Variants in SERINC4 observed in about 807,000 individuals in gnomAD.
SERINC4 encodes serine incorporator 4.
Under a neutral mutation model 52.0 loss-of-function variants are expected in SERINC4, and 52 were observed. That is an observed-to-expected ratio of 1.00 (90% CI 0.80 to 1.26). The LOEUF is 1.26. Ranked by LOEUF, SERINC4 falls within the 50% of genes most tolerant of loss-of-function variation. The probability of loss-of-function intolerance (pLI) is 0.00; values close to 1 mark genes in which losing one functional copy is unlikely to be tolerated. For synonymous variants in SERINC4, 264 were observed against 247.7 expected (o/e 1.07, Z -0.62); for missense variants, 723 against 632.8 (o/e 1.14, Z -1.53).
Position 43,800,030 on chromosome 15 carries a change from G to A in SERINC4, c.-44C>T. 7.2e-7 allele frequency: 1 copy of A among 1,382,620 alleles called. No individual in the cohort carries two copies. Among genetic ancestry groups the A allele is most frequent in the Non-Finnish European group, 9.7e-7 (1 of 1,031,884 alleles). 85.6% of individuals were successfully genotyped at this position (1,382,620 alleles called of 1,614,324 possible). ...GCTTAGGTCCACCAGATGGAAGGCA[G>A]ATGAGAGCAGCAGTTGCTTCTGTCC... On this transcript the variant is annotated 5_prime_UTR_variant, in exon 1 of 12. Coordinates refer to ENST00000319327, the MANE Select transcript of SERINC4 (RefSeq NM_001258031.2).
intron 3 of SERINC4, 86 bp downstream of exon 3, chr15:43,798,873 A>G (rs1443341168): frequency 6.1e-6 from 8 of 1,319,984 alleles, no homozygotes; most frequent in Middle Eastern, 3.6e-4. Context: ...TTACAGTGCT[A>G]TTACTTCATC....
rs1447351467 is a variant in SERINC4 at position 43,795,001 on chromosome 15, T to C, written c.1556A>G (p.Ter519=). 1 of 1,608,642 alleles carries C rather than the reference T, an allele frequency of 6.2e-7. No homozygotes were observed. Among genetic ancestry groups the C allele is most frequent in the Non-Finnish European group, 8.5e-7 (1 of 1,178,090 alleles). Residue 519 remains the stop codon, a stop_retained_variant, in exon 12 of 12, where the codon TAA becomes TGA. Coordinates refer to ENST00000319327, the MANE Select transcript of SERINC4 (RefSeq NM_001258031.2). ...ISPDNKYPPV[*] is the part of the protein sequence containing the mutation. ...GGAACCCCAGTTTGTGAAAAGGACTTAGACTGGAGGATATTTGTTATCTGG... is the reference window on the plus strand; with the variant it reads ...GGAACCCCAGTTTGTGAAAAGGACTCAGACTGGAGGATATTTGTTATCTGG...
chr15:43,799,163 C>T, intron 2 of SERINC4, 26 bp from the exon 3 acceptor site: 2 of 1,540,922 alleles, frequency 1.3e-6, no homozygotes, highest in Non-Finnish European at 1.8e-6. Context: ...AGAGAAATGG[C>T]AGGACAAGTC....
Position 43,794,784 on chromosome 15 carries a change from C to T in SERINC4, c.*216G>A. 1.9e-6 allele frequency: 1 copy of T among 518,870 alleles called. No homozygotes were observed. Among genetic ancestry groups the T allele is most frequent in the Non-Finnish European group, 3.4e-6 (1 of 290,594 alleles). 32.1% of individuals were successfully genotyped at this position (518,870 alleles called of 1,614,324 possible). The stretch of plus-strand genomic sequence containing the variant: ...CTGATTTGGGTGTTAGGCTCTTGAG[C>T]TGGGATGCAGATGTAACAGTAGCTC... On this transcript the variant is annotated 3_prime_UTR_variant, in exon 12 of 12. Transcript: ENST00000319327.
chr15:43,799,911 C>T lies in SERINC4; in HGVS notation c.76G>A (p.Val26Ile). Residue 26 changes from valine (V) to isoleucine (I), a missense_variant, in exon 1 of 12, where the codon GTC becomes ATC. Coordinates refer to ENST00000319327, the MANE Select transcript of SERINC4 (RefSeq NM_001258031.2). ...LAQQHSGGSS[V>I]LVKSPFCQVC... ...TGACAGAAGGGACTTTTCACTAGGA[C>T]ACTGCTGCCTCCGCTGTGCTGCTGT... 1.3e-6 allele frequency: 2 copies of T among 1,549,458 alleles called. No individual in the cohort carries two copies. The highest frequency in any genetic ancestry group is 1.4e-5 in the African/African-American group (1 of 73,124).
At chr15:43,797,394 C>A (rs2087236826) in intron 5 of SERINC4, 38 bp from the exon 6 acceptor site, 2 of 1,401,844 alleles carry the variant, frequency 1.4e-6, no homozygotes, top group Non-Finnish European at 1.9e-6. Flanking sequence ...GGAGCTCCAG[C>A]ATTTTTTTTT....
Position 43,794,318 on chromosome 15 carries a change from T to C in SERINC4, c.*682A>G. 4.4e-6 allele frequency: 1 copy of C among 229,454 alleles called. No homozygotes were observed. Among genetic ancestry groups the C allele is most frequent in the African/African-American group, 2.3e-5 (1 of 44,256 alleles). 14.2% of individuals were successfully genotyped at this position (229,454 alleles called of 1,614,324 possible). ...CACCATCTCTAGGATGGAGTTGGCC[T>C]AAGAGTGAATGCTGCAAGATCTGTG... On this transcript the variant is annotated 3_prime_UTR_variant, in exon 12 of 12. Transcript: ENST00000319327.
chr15:43,795,488 G>T lies in SERINC4; in HGVS notation c.1243C>A (p.Pro415Thr). The T allele has an allele frequency of 1.9e-6, 3 of 1,614,210 alleles. No homozygotes were observed. The highest frequency in any genetic ancestry group is 1.7e-6 in the Non-Finnish European group (2 of 1,180,042). The change falls in exon 11 of 12, where the codon CCA (proline) becomes ACA (threonine). Residue 415 changes from proline to threonine, a missense_variant. Physicochemically the swap from Pro to Thr is conservative, Grantham distance 38. Coordinates refer to ENST00000319327, the MANE Select transcript of SERINC4 (RefSeq NM_001258031.2). Reference sequence around the variant, plus strand: ...TAGGAAAGATGCTGGACTTGGACTGGAGGAGCTGGAGGGGTTTCTTGGTCA... The same window carrying T: ...TAGGAAAGATGCTGGACTTGGACTGTAGGAGCTGGAGGGGTTTCTTGGTCA... ...PADQETPPAPPVQVQHLSYNY... is the reference protein window; with the variant it reads ...PADQETPPAPTVQVQHLSYNY...
At position 43,794,797 on chromosome 15, in the gene SERINC4, G is replaced by C. The variant is rs1202906379; in HGVS notation, c.*203C>G. 1.8e-6 allele frequency: 1 copy of C among 546,114 alleles called. No individual in the cohort carries two copies. The highest frequency in any genetic ancestry group is 3.3e-6 in the Non-Finnish European group (1 of 306,806). 33.8% of individuals were successfully genotyped at this position (546,114 alleles called of 1,614,324 possible). On this transcript the variant is annotated 3_prime_UTR_variant, in exon 12 of 12. Coordinates refer to ENST00000319327, the MANE Select transcript of SERINC4 (RefSeq NM_001258031.2). ...TAGGCTCTTGAGCTGGGATGCAGAT[G>C]TAACAGTAGCTCCAGTGAGTCAGAC...
chr15:43,795,815 G>T, intron 9 of SERINC4, 79 bp from the exon 10 acceptor site: 1 of 1,475,388 alleles, frequency 6.8e-7, no homozygotes, highest in South Asian at 1.2e-5. Context: ...CCCGTGAAAA[G>T]ATTGGTCTAG....
rs558142282 is a variant in SERINC4 at position 43,798,869 on chromosome 15, T to A, written c.458+90A>T. 6.2e-6 allele frequency: 8 copies of A among 1,281,484 alleles called. No individual in the cohort carries two copies. The South Asian group carries it at 1.1e-4, about 17-fold the overall frequency. 79.4% of individuals were successfully genotyped at this position (1,281,484 alleles called of 1,614,324 possible). On this transcript the variant is annotated intron_variant, in intron 3 of 11. Transcript: ENST00000319327. ...AAACCTGTTTTCTGTCTTTTTACAG[T>A]GCTATTACTTCATCCCGGAATTTCC...
chr15:43,795,089 A>T lies in SERINC4; in HGVS notation c.1468T>A (p.Trp490Arg). 1.9e-6 allele frequency: 3 copies of T among 1,613,824 alleles called. No homozygotes were observed. Reference protein sequence around the residue: ...YLGLLLAPLCWPPTQKPQPLI... With the variant: ...YLGLLLAPLCRPPTQKPQPLI... Reference sequence around the variant, plus strand: ...GGCTGGGGTTTCTGGGTGGGGGGCCAACAGAGTGGTGCCAGTAACAGCCCC... The same window carrying T: ...GGCTGGGGTTTCTGGGTGGGGGGCCTACAGAGTGGTGCCAGTAACAGCCCC... Residue 490 changes from tryptophan to arginine, a missense_variant, in exon 12 of 12, where the codon TGG becomes AGG. Coordinates refer to ENST00000319327, the MANE Select transcript of SERINC4 (RefSeq NM_001258031.2).
intron 10 of SERINC4, 54 bp from the exon 11 acceptor site, chr15:43,795,595 T>C (rs897058178): frequency 6.2e-7 from 1 of 1,611,828 alleles, no homozygotes; most frequent in Non-Finnish European, 8.5e-7. Context: ...CCTCTTCCCC[T>C]CTCCCCCAAC....
rs566407175 is a variant in SERINC4 at position 43,799,442 on chromosome 15, A to G, written c.147T>C (p.Ser49=). 1 of 1,550,618 alleles carries G rather than the reference A, an allele frequency of 6.4e-7. No homozygotes were observed. Among genetic ancestry groups the G allele is most frequent in the South Asian group, 1.2e-5 (1 of 84,058 alleles). Residue 49 remains serine (S), a synonymous_variant, in exon 2 of 12, where the codon TCT becomes TCC. Transcript: ENST00000319327. ...TGGATGCGGTGAGAGAGGGCCACCT[A>G]GAGTGGCAGCAGCTGGCACAAGGAG... ...GPAPCASCCH[S]RWPSLTASTC... is the part of the protein sequence containing the mutation.
chr15:43,796,800 G>A lies in SERINC4; in HGVS notation c.940+45C>T, dbSNP rs770983605. The A allele has an allele frequency of 3.7e-6, 6 of 1,611,466 alleles. No homozygotes were observed. The East Asian group carries it at 1.3e-4, about 36-fold the overall frequency. On this transcript the variant is annotated intron_variant, in intron 7 of 11. Coordinates refer to ENST00000319327, the MANE Select transcript of SERINC4 (RefSeq NM_001258031.2). ...ACAATGAGCTAGGTATTTGGCAGGG[G>A]CAAAAAAAGGTCTTAGCATGGAGAA...
intron 9 of SERINC4, 83 bp from the exon 10 acceptor site, chr15:43,795,819 G>T: frequency 6.9e-7 from 1 of 1,444,214 alleles, no homozygotes; most frequent in African/African-American, 1.4e-5. Context: ...TGAAAAGATT[G>T]GTCTAGTATT....
Position 43,794,812 on chromosome 15 carries a change from G to A in SERINC4, c.*188C>T. ...GGATGCAGATGTAACAGTAGCTCCAGTGAGTCAGACACTCTGCCCAGCACA... is the reference window on the plus strand; with the variant it reads ...GGATGCAGATGTAACAGTAGCTCCAATGAGTCAGACACTCTGCCCAGCACA... On this transcript the variant is annotated 3_prime_UTR_variant, in exon 12 of 12. Transcript: ENST00000319327. 1 of 565,206 alleles carries A rather than the reference G, an allele frequency of 1.8e-6. No individual in the cohort carries two copies. Among genetic ancestry groups the A allele is most frequent in the Non-Finnish European group, 3.1e-6 (1 of 318,692 alleles). The allele number at this position is 565,206 out of a possible 1,614,324, so 35.0% of individuals were successfully genotyped here.
At chr15:43,795,246 G>C (rs1347490038) in intron 11 of SERINC4, 33 bp from the exon 12 acceptor site, 26 of 1,607,498 alleles carry the variant, frequency 1.6e-5, no homozygotes, top group Non-Finnish European at 2.2e-5. Context: ...TAGAGAATAT[G>C]AAGGGCCTTA....
chr15:43,794,842 A>G lies in SERINC4; in HGVS notation c.*158T>C, dbSNP rs2087164830. ...TCAGACACTCTGCCCAGCACATTAGACTGTGTTTGACCACTTCTTCCAGTT... is the reference window on the plus strand; with the variant it reads ...TCAGACACTCTGCCCAGCACATTAGGCTGTGTTTGACCACTTCTTCCAGTT... On this transcript the variant is annotated 3_prime_UTR_variant, in exon 12 of 12. Coordinates refer to ENST00000319327, the MANE Select transcript of SERINC4 (RefSeq NM_001258031.2). 6.4e-6 allele frequency: 4 copies of G among 628,380 alleles called. No individual in the cohort carries two copies. Among genetic ancestry groups the G allele is most frequent in the Non-Finnish European group, 1.1e-5 (4 of 358,044 alleles). 38.9% of individuals were successfully genotyped at this position (628,380 alleles called of 1,614,324 possible).
Sources: gnomAD v4.1 joint callset for allele counts on GRCh38, gnomAD v4.1.1 for gene constraint, MANE v1.5 for transcripts, NCBI Gene and HGNC (gene_info 2026-07-23, HGNC 2026-07-21) for gene names.